Variants in BCAS3 observed in about 807,000 individuals in gnomAD.
BCAS3 encodes the protein BCAS4/BCAS3 fusion.
Under a neutral mutation model 116.1 loss-of-function variants are expected in BCAS3, and 53 were observed. That is an observed-to-expected ratio of 0.46 (90% CI 0.37 to 0.57). The LOEUF is 0.57. Ranked by LOEUF, BCAS3 falls within the 20% of genes least tolerant of loss-of-function variation. The pLI, the probability that BCAS3 is intolerant of heterozygous loss-of-function variation, is 0.00. For missense variants in BCAS3, 917 were observed against 1,165.4 expected (o/e 0.79, Z 3.10); for synonymous variants, 391 against 408.2 (o/e 0.96, Z 0.51).
intron 22 of BCAS3, among the ~76,000 whole-genome samples, chr17:61,216,228 G>A (rs1036908280): frequency 6.6e-5 from 10 of 152,156 alleles, no homozygotes; most frequent in African/African-American, 2.4e-4. Context: ...GGGATGTCCA[G>A]AAGTTCAGGA....
In BCAS3 at chr17:61,084,615, C is replaced by G; in HGVS notation, c.2425+51C>G. 7.0e-7 allele frequency: 1 copy of G among 1,435,644 alleles called. No individual in the cohort carries two copies. Among genetic ancestry groups the G allele is most frequent in the Non-Finnish European group, 9.8e-7 (1 of 1,022,462 alleles). The allele number at this position is 1,435,644 out of a possible 1,614,324, so 88.9% of individuals were successfully genotyped here. On this transcript the variant is annotated intron_variant, in intron 22 of 23. Coordinates refer to ENST00000407086, the MANE Select transcript of BCAS3 (RefSeq NM_017679.5). The surrounding 1 kb of genome is among the most constrained non-coding windows in gnomAD (Gnocchi z 5.5). ...ATTGGGCAGTCCTGTGCATTTTTAA[C>G]TAATTTTCTCGCACAATGTAGAGGA...
chr17:61,062,211 G>A lies in BCAS3; in HGVS notation c.2030-12709G>A, dbSNP rs111913898. Reference sequence around the variant, plus strand: ...TTTATTTTATAAACATGATATACACGGTTTAAAAGGTAACAAAAAATATCC... The same window carrying A: ...TTTATTTTATAAACATGATATACACAGTTTAAAAGGTAACAAAAAATATCC... On this transcript the variant is annotated intron_variant, in intron 19 of 23. Coordinates refer to ENST00000407086, the MANE Select transcript of BCAS3 (RefSeq NM_017679.5). Among the ~76,000 whole-genome samples, 206 of 151,738 alleles carry A rather than the reference G, an allele frequency of 1.4e-3. 1 individual carries two copies. The highest frequency in any genetic ancestry group is 4.3e-3 in the African/African-American group (177 of 41,382).
rs920970158 is a variant in BCAS3 at position 61,095,193 on chromosome 17, G to A, written c.2425+10629G>A. On this transcript the variant is annotated intron_variant, in intron 22 of 23. Coordinates refer to ENST00000407086, the MANE Select transcript of BCAS3 (RefSeq NM_017679.5). This position sits in a 1 kb window ranked among gnomAD's most constrained non-coding sequence, Gnocchi z 4.7. Reference sequence around the variant, plus strand: ...ATTTGAGTTAGACCAACTTTTCTTCGTGTACGTCAACCAAAACAGCATATC... The same window carrying A: ...ATTTGAGTTAGACCAACTTTTCTTCATGTACGTCAACCAAAACAGCATATC... 3.3e-5 allele frequency among the ~76,000 whole-genome samples: 5 copies of A among 152,204 alleles called. No individual in the cohort carries two copies. The highest frequency in any genetic ancestry group is 1.9e-4 in the East Asian group (1 of 5,168).
intron 7 of BCAS3, chr17:60,811,568 TA>T (rs1480873185): frequency 2.9e-6 from 1 of 339,514 alleles, no homozygotes; most frequent in African/African-American, 2.1e-5. Flanking sequence ...CTCCAGATGT[TA>T]AATTTTACAA....
intron 4 of BCAS3, among the ~76,000 whole-genome samples, chr17:60,693,065 A>C (rs1321226136): frequency 6.6e-6 from 1 of 151,728 alleles, no homozygotes. Context: ...TAGGAGAAAC[A>C]GGGTTTCACC....
intron 7 of BCAS3, among the ~76,000 whole-genome samples, chr17:60,838,506 A>G (rs939444970): frequency 3.9e-5 from 6 of 151,976 alleles, no homozygotes; most frequent in African/African-American, 1.5e-4. Context: ...CCCCCGAGAA[A>G]GATAGTGAAA....
At chr17:61,369,292 T>C (rs1348791477) in intron 23 of BCAS3, among the ~76,000 whole-genome samples, 1 of 152,230 alleles carries the variant, frequency 6.6e-6, no homozygotes, top group African/African-American at 2.4e-5. Flanking sequence ...GAGGGAACTT[T>C]CTGTTGGGTG....
rs1230613754 is a variant in BCAS3 at position 60,967,627 on chromosome 17, C to T, written c.1221+20275C>T. 6.6e-6 allele frequency among the ~76,000 whole-genome samples: 1 copy of T among 151,812 alleles called. No individual in the cohort carries two copies. The highest frequency in any genetic ancestry group is 1.9e-4 in the East Asian group (1 of 5,178). On this transcript the variant is annotated intron_variant, in intron 14 of 23. Coordinates refer to ENST00000407086, the MANE Select transcript of BCAS3 (RefSeq NM_017679.5). This position sits in a 1 kb window ranked among gnomAD's most constrained non-coding sequence, Gnocchi z 4.7. The stretch of plus-strand genomic sequence containing the variant: ...TTATTTCTTTGGCTGCATTTTCTAC[C>T]CTTTAGTCTTATCTCCCTCTTGAAT...
At chr17:60,723,102 G>A (rs1000015346) in intron 5 of BCAS3, among the ~76,000 whole-genome samples, 1 of 152,100 alleles carries the variant, frequency 6.6e-6, no homozygotes, top group Non-Finnish European at 1.5e-5. Flanking sequence ...ATTTTATAAT[G>A]TATATAAGGT....
intron 22 of BCAS3, among the ~76,000 whole-genome samples, chr17:61,240,932 C>CA (rs2047458112): frequency 6.6e-6 from 1 of 152,144 alleles, no homozygotes; most frequent in Admixed American, 6.6e-5. Context: ...AAATCAAAGA[C>CA]AAAAATAGTT....
At chr17:60,901,919 T>A (rs750662142) in intron 10 of BCAS3, among the ~76,000 whole-genome samples, 1 of 152,194 alleles carries the variant, frequency 6.6e-6, no homozygotes, top group Non-Finnish European at 1.5e-5. Flanking sequence ...ATATAGGAAG[T>A]AGAGGACCAG....
chr17:60,802,912 C>CTAAA (rs2047947365), intron 6 of BCAS3, among the ~76,000 whole-genome samples: 1 of 152,196 alleles, frequency 6.6e-6, no homozygotes, highest in Non-Finnish European at 1.5e-5. Context: ...CCACTGTGCC[C>CTAAA]AGTCTATTTG....
chr17:60,870,945 A>G (rs1386939473), intron 8 of BCAS3, among the ~76,000 whole-genome samples: 1 of 152,228 alleles, frequency 6.6e-6, no homozygotes, highest in Admixed American at 6.5e-5. Flanking sequence ...TTAAGACTTT[A>G]AAGTTCTTTC....
At chr17:60,897,748 CT>C in intron 10 of BCAS3, among the ~76,000 whole-genome samples, 1 of 152,092 alleles carries the variant, frequency 6.6e-6, no homozygotes, top group Non-Finnish European at 1.5e-5. Context: ...ACTGATCTTA[CT>C]CTGTCATCCA....
At chr17:60,677,940 T>A (rs2032239107) in intron 1 of BCAS3, 26 bp downstream of exon 1, 1 of 154,214 alleles carries the variant, frequency 6.5e-6, no homozygotes. Context: ...GGGCTTTGGC[T>A]TTGGGGAGGC....
Position 60,750,166 on chromosome 17 carries a change from CA to C in BCAS3, c.403+2899del, listed in dbSNP as rs772425669. ...AGGGTGACAGTGTGAGACTCCATCT[CA>C]AAAAAAAAAAAGAAAATTAATCCAT... On this transcript the variant is annotated intron_variant, in intron 6 of 23. Transcript: ENST00000407086. Among the ~76,000 whole-genome samples, 803 of 120,978 alleles carry C rather than the reference CA, an allele frequency of 6.6e-3. 6 individuals are homozygous for C. Among genetic ancestry groups the C allele is most frequent in the South Asian group, 0.021 (82 of 3,882 alleles). 79.4% of individuals were successfully genotyped at this position (120,978 alleles called of 152,430 possible).
chr17:61,275,286 A>G (rs1340125446), intron 22 of BCAS3, among the ~76,000 whole-genome samples: 1 of 152,242 alleles, frequency 6.6e-6, no homozygotes, highest in East Asian at 1.9e-4. Context: ...TTTTAAAACA[A>G]TACCATTTAT....
chr17:60,948,570 G>A (rs531112262), intron 14 of BCAS3, among the ~76,000 whole-genome samples: 2 of 152,032 alleles, frequency 1.3e-5, no homozygotes, highest in Non-Finnish European at 2.9e-5. Context: ...ATAGCCATTT[G>A]ACCCTACTCT....
chr17:60,980,389 T>TGA (rs1363764090), intron 14 of BCAS3, among the ~76,000 whole-genome samples: 1 of 152,204 alleles, frequency 6.6e-6, no homozygotes, highest in Non-Finnish European at 1.5e-5. Context: ...CTAATGATGT[T>TGA]GAGAGTCTTT....
Sources: gnomAD v4.1 joint callset for allele counts (sites outside exome capture counted in the v4.1 genomes callset) on GRCh38, gnomAD v4.1.1 for gene constraint, Gnocchi (gnomAD v3.1) non-coding constraint, MANE v1.5 for transcripts, NCBI Gene and HGNC (gene_info 2026-07-23, HGNC 2026-07-21) for gene names.